The following TRAF3IP1 variants were observed in gnomAD, a reference collection of about 807,000 sequenced individuals.
The protein encoded by TRAF3IP1 is TRAF3-interacting protein 1.
Under a neutral mutation model 89.9 loss-of-function variants are expected in TRAF3IP1, and 53 were observed. That is an observed-to-expected ratio of 0.59 (90% CI 0.47 to 0.74). The LOEUF (loss-of-function observed/expected upper bound fraction) is 0.74. Among genes scored for constraint, TRAF3IP1 ranks in the 30% least tolerant of loss-of-function variants. TRAF3IP1 has a pLI of 0.00. For synonymous variants in TRAF3IP1, 311 were observed against 322.1 expected (o/e 0.97, Z 0.37); for missense variants, 806 against 866.1 (o/e 0.93, Z 0.87).
intron 7 of TRAF3IP1, among the ~76,000 whole-genome samples, chr2:238,336,614 C>T (rs1268882369): frequency 6.6e-6 from 1 of 152,036 alleles, no homozygotes. Flanking sequence ...ATAATTTTTG[C>T]TTATTTCTAA....
chr2:238,362,038 T>TA (rs1231112259), intron 15 of TRAF3IP1, among the ~76,000 whole-genome samples: 3 of 152,182 alleles, frequency 2.0e-5, no homozygotes, highest in African/African-American at 4.8e-5. Context: ...TCTCAGTTGT[T>TA]ATATCTGCTG....
intron 15 of TRAF3IP1, among the ~76,000 whole-genome samples, chr2:238,390,089 T>C (rs958160374): frequency 6.6e-6 from 1 of 152,128 alleles, no homozygotes; most frequent in Non-Finnish European, 1.5e-5. Flanking sequence ...GTAAACAGTC[T>C]TTAGCCCGCA....
chr2:238,371,247 G>A (rs1160499211), intron 15 of TRAF3IP1, among the ~76,000 whole-genome samples: 1 of 152,152 alleles, frequency 6.6e-6, no homozygotes, highest in Non-Finnish European at 1.5e-5. Context: ...TCACAATATT[G>A]GCAGTATTGT....
chr2:238,338,776 G>A (rs1263106703), intron 8 of TRAF3IP1, among the ~76,000 whole-genome samples: 1 of 152,196 alleles, frequency 6.6e-6, no homozygotes, highest in Non-Finnish European at 1.5e-5. Context: ...TAGAGAAACG[G>A]TTTTTATGTC....
intron 1 of TRAF3IP1, among the ~76,000 whole-genome samples, chr2:238,322,460 G>A (rs11686363): frequency 0.26 from 38,773 of 152,026 alleles, 5,102 homozygotes; most frequent in African/African-American, 0.31. Flanking sequence ...AGGCCAAGGC[G>A]GGCAGATCAC....
Position 238,384,324 on chromosome 2 carries a change from C to G in TRAF3IP1, c.1690-13135C>G, listed in dbSNP as rs1459968561. Among the ~76,000 whole-genome samples the G allele has an allele frequency of 9.3e-5, 14 of 150,724 alleles. No individual in the cohort carries two copies. In the Admixed American group the frequency reaches 9.3e-4, roughly 10 times the overall value. On this transcript the variant is annotated intron_variant, in intron 15 of 16. Transcript: ENST00000373327. The stretch of plus-strand genomic sequence containing the variant: ...TCTGGTTTCTCCTTTTCTAATCTGT[C>G]CAGAATCAACCTGATGTATGTATGT...
intron 15 of TRAF3IP1, among the ~76,000 whole-genome samples, chr2:238,392,447 G>A (rs1309263364): frequency 2.0e-5 from 3 of 152,040 alleles, no homozygotes; most frequent in Non-Finnish European, 4.4e-5. Context: ...CTCCATTTCT[G>A]TAACTTTGTC....
At chr2:238,367,038 C>T (rs533984382) in intron 15 of TRAF3IP1, among the ~76,000 whole-genome samples, 1 of 151,754 alleles carries the variant, frequency 6.6e-6, no homozygotes, top group African/African-American at 2.4e-5. Context: ...GTGGCACGTG[C>T]CTGTAATCCC....
intron 8 of TRAF3IP1, among the ~76,000 whole-genome samples, chr2:238,344,002 AT>A: frequency 6.6e-6 from 1 of 150,680 alleles, no homozygotes; most frequent in Non-Finnish European, 1.5e-5. Flanking sequence ...GGTATTTGAT[AT>A]TTTTTCTATC....
At chr2:238,348,910 T>C (rs1300905109) in intron 11 of TRAF3IP1, 62 bp downstream of exon 11, 1 of 1,395,010 alleles carries the variant, frequency 7.2e-7, no homozygotes, top group Non-Finnish European at 1.0e-6. Context: ...ACTGCTGTGC[T>C]TCTCTTTCTG....
chr2:238,320,640 G>C lies in TRAF3IP1; in HGVS notation c.-23G>C. 1 of 1,317,712 alleles carries C rather than the reference G, an allele frequency of 7.6e-7. No individual in the cohort carries two copies. Among genetic ancestry groups the C allele is most frequent in the Non-Finnish European group, 9.8e-7 (1 of 1,015,464 alleles). The allele number at this position is 1,317,712 out of a possible 1,614,324, so 81.6% of individuals were successfully genotyped here. A position where few individuals can be genotyped will look rare whatever the true frequency, so the allele number is the denominator to read the frequency against. ...CCAGGCCGGCTGAGGGGCGCGGGCG[G>C]CCAGCGGGCGGCGGACGCCGTCATG... On this transcript the variant is annotated 5_prime_UTR_variant, in exon 1 of 17. Coordinates refer to ENST00000373327, the MANE Select transcript of TRAF3IP1 (RefSeq NM_015650.4).
At chr2:238,362,912 A>C (rs1168206068) in intron 15 of TRAF3IP1, among the ~76,000 whole-genome samples, 1 of 152,206 alleles carries the variant, frequency 6.6e-6, no homozygotes, top group Non-Finnish European at 1.5e-5. Flanking sequence ...GCCAAAGCGG[A>C]GATCAGAAAC....
In TRAF3IP1 at chr2:238,334,012, G is replaced by A. The variant is rs1451387842; in HGVS notation, c.1040G>A (p.Arg347Gln). 3 of 1,610,894 alleles carry A rather than the reference G, an allele frequency of 1.9e-6. No individual in the cohort carries two copies. Among genetic ancestry groups the A allele is most frequent in the Middle Eastern group, 1.7e-4 (1 of 6,058 alleles). The change falls in exon 7 of 17, where the codon CGG becomes CAG. Residue 347 changes from arginine (R) to glutamine (Q), a missense_variant. Transcript: ENST00000373327. ...SKSLTTKTSK[R>Q]RSKNSVEGRK... Reference sequence around the variant, plus strand: ...TCATTGACAACAAAAACATCAAAACGGCGATCCAAAAATTCAGTGGAAGGT... The same window carrying A: ...TCATTGACAACAAAAACATCAAAACAGCGATCCAAAAATTCAGTGGAAGGT...
Position 238,347,440 on chromosome 2 carries a change from G to T in TRAF3IP1, c.1262-15G>T, listed in dbSNP as rs1222528473. 1 of 1,613,786 alleles carries T rather than the reference G, an allele frequency of 6.2e-7. No individual in the cohort carries two copies. Among genetic ancestry groups the T allele is most frequent in the African/African-American group, 1.3e-5 (1 of 74,886 alleles). ...ACTACACGAAAGCTAATTTTCTGATGTGCTTTTTCTTTAGGTGACTCCACC... is the reference window on the plus strand; with the variant it reads ...ACTACACGAAAGCTAATTTTCTGATTTGCTTTTTCTTTAGGTGACTCCACC... On this transcript the variant is annotated splice_polypyrimidine_tract_variant and intron_variant, in intron 9 of 16. Transcript: ENST00000373327.
At chr2:238,388,685 C>T (rs1464736092) in intron 15 of TRAF3IP1, among the ~76,000 whole-genome samples, 2 of 148,752 alleles carry the variant, frequency 1.3e-5, no homozygotes, top group African/African-American at 4.9e-5. Flanking sequence ...ACATCCTCGA[C>T]CTCCTGGGCT....
At chr2:238,360,845 A>ACTCCAG (rs1264249342) in intron 15 of TRAF3IP1, among the ~76,000 whole-genome samples, 2 of 151,674 alleles carry the variant, frequency 1.3e-5, no homozygotes, top group Non-Finnish European at 2.9e-5. Flanking sequence ...GCGCCACTGC[A>ACTCCAG]CTCCAGCCTG....
At chr2:238,343,675 T>C (rs1273555128) in intron 8 of TRAF3IP1, among the ~76,000 whole-genome samples, 1 of 138,286 alleles carries the variant, frequency 7.2e-6, no homozygotes, top group East Asian at 2.1e-4. Flanking sequence ...TTCCCCGAGA[T>C]AGGGTCTTAC....
chr2:238,333,909 T>C (rs749826653), intron 6 of TRAF3IP1, 51 bp from the exon 7 acceptor site: 2 of 1,423,122 alleles, frequency 1.4e-6, no homozygotes, highest in Non-Finnish European at 2.0e-6. Flanking sequence ...CTGCTTATGA[T>C]ACTGCTGTGT....
intron 3 of TRAF3IP1, among the ~76,000 whole-genome samples, chr2:238,327,388 C>G (rs1697892288): frequency 1.3e-5 from 2 of 152,180 alleles, no homozygotes; most frequent in Admixed American, 1.3e-4. Context: ...CACGGTGTGT[C>G]TTTGGCCTAA....
Sources: gnomAD v4.1 joint callset for allele counts (sites outside exome capture counted in the v4.1 genomes callset) on GRCh38, gnomAD v4.1.1 for gene constraint, MANE v1.5 for transcripts, NCBI Gene and HGNC (gene_info 2026-07-23, HGNC 2026-07-21) for gene names.